The following SLC5A12 variants were observed in gnomAD, a reference collection of about 807,000 sequenced individuals.
SLC5A12 encodes the protein sodium-coupled monocarboxylate transporter 2.
In SLC5A12, 46 loss-of-function variants were observed where a neutral mutation model predicts 72.7. The observed-to-expected ratio is 0.63, with a 90% CI of 0.50 to 0.81. The LOEUF is 0.81. Among genes scored for constraint, SLC5A12 ranks in the 30% least tolerant of loss-of-function variants. The pLI, the probability that SLC5A12 is intolerant of heterozygous loss-of-function variation, is 0.00. For missense variants in SLC5A12, 683 were observed against 740.7 expected (o/e 0.92, Z 0.90); for synonymous variants, 275 against 264.4 (o/e 1.04, Z -0.39).
chr11:26,717,931 A>G (rs1304468746), intron 1 of SLC5A12, among the ~76,000 whole-genome samples: 1 of 152,134 alleles, frequency 6.6e-6, no homozygotes, highest in Admixed American at 6.5e-5. Flanking sequence ...CAGCATTCCA[A>G]GAGGACAAAG....
chr11:26,695,609 C>T (rs1854790656), intron 8 of SLC5A12, among the ~76,000 whole-genome samples: 1 of 152,090 alleles, frequency 6.6e-6, no homozygotes, highest in Admixed American at 6.5e-5. Flanking sequence ...AGCAAATAGA[C>T]AATGAACAAA....
chr11:26,710,520 CT>C (rs143085630), intron 3 of SLC5A12, among the ~76,000 whole-genome samples: 1,522 of 152,068 alleles, frequency 0.01, 34 homozygotes, highest in African/African-American at 0.034. Flanking sequence ...TGTTTCCTAC[CT>C]TTTTAATGAC....
rs1565195067 is a variant in SLC5A12 at position 26,698,393 on chromosome 11, A to G, written c.951+13T>C. On this transcript the variant is annotated intron_variant, in intron 7 of 14. Coordinates refer to ENST00000396005, the MANE Select transcript of SLC5A12 (RefSeq NM_178498.4). ...TTCCAGACACTCGCCACTGTCCTCA[A>G]GAAAACCCATACCTGGTCTGGTGCT... 2.0e-5 allele frequency: 33 copies of G among 1,612,582 alleles called. No individual in the cohort carries two copies. The highest frequency in any genetic ancestry group is 2.7e-5 in the Non-Finnish European group (32 of 1,179,450).
intron 6 of SLC5A12, among the ~76,000 whole-genome samples, chr11:26,699,042 CAG>C (rs992394973): frequency 3.9e-5 from 6 of 152,124 alleles, no homozygotes; most frequent in African/African-American, 1.4e-4. Context: ...AAAAAGACAA[CAG>C]AAAGTACAAA....
rs546725661 is a variant in SLC5A12 at position 26,717,972 on chromosome 11, C to T, written c.339+3404G>A. ...AGCTACAAGGCTCAGAAGGCCTAGG[C>T]TCCAAGCTCACAGAACATCACTTTG... On this transcript the variant is annotated intron_variant, in intron 1 of 14. Transcript: ENST00000396005. 7.2e-4 allele frequency among the ~76,000 whole-genome samples: 110 copies of T among 152,278 alleles called. 1 individual carries two copies. In the South Asian group the frequency reaches 0.022, roughly 30 times the overall value.
Position 26,669,187 on chromosome 11 carries a change from T to TTTTTC in SLC5A12, c.*1914_*1915insGAAAA, listed in dbSNP as rs1854074136. 1 of 110,940 alleles carries TTTTTC rather than the reference T, an allele frequency of 9.0e-6. No homozygotes were observed. Among genetic ancestry groups the TTTTTC allele is most frequent in the East Asian group, 3.0e-4 (1 of 3,296 alleles). 6.9% of individuals were successfully genotyped at this position (110,940 alleles called of 1,614,324 possible). ...TGTCTTTTTCTTTCTTTCTTTCTTC[T>TTTTTC]TTTCTTTCTTTCTTTCTTTCTTTCT... On this transcript the variant is annotated 3_prime_UTR_variant, in exon 15 of 15. Transcript: ENST00000396005.
rs1485234300 is a variant in SLC5A12, at chr11:26,669,205, T to TTCTTTCTTTCTTTCTTTC, written c.*1896_*1897insGAAAGAAAGAAAGAAAGA. On this transcript the variant is annotated 3_prime_UTR_variant, in exon 15 of 15. Coordinates refer to ENST00000396005, the MANE Select transcript of SLC5A12 (RefSeq NM_178498.4). ...TTTCTTCTTTTCTTTCTTTCTTTCT[T>TTCTTTCTTTCTTTCTTTC]TCTTTCTTTCTTTCTCTCTCTCCCT... 7 of 138,808 alleles carry TTCTTTCTTTCTTTCTTTC rather than the reference T, an allele frequency of 5.0e-5. No homozygotes were observed. The highest frequency in any genetic ancestry group is 2.0e-4 in the African/African-American group (7 of 35,870). 8.6% of individuals were successfully genotyped at this position (138,808 alleles called of 1,614,324 possible). A position where few individuals can be genotyped will look rare whatever the true frequency, so the allele number is the denominator to read the frequency against.
intron 7 of SLC5A12, among the ~76,000 whole-genome samples, chr11:26,697,938 C>G (rs1394466779): frequency 7.4e-6 from 1 of 135,580 alleles, no homozygotes; most frequent in African/African-American, 2.8e-5. Flanking sequence ...ACTCTTGTCG[C>G]CCAGGCTGGA....
At chr11:26,696,824 T>C (rs1429915213) in intron 8 of SLC5A12, among the ~76,000 whole-genome samples, 2 of 152,198 alleles carry the variant, frequency 1.3e-5, no homozygotes, top group Non-Finnish European at 2.9e-5. Context: ...GTAAAGGTGA[T>C]ACAAAAGTGT....
In SLC5A12 at chr11:26,669,186, C is replaced by CT. The variant is rs1314869912; in HGVS notation, c.*1915dup. The stretch of plus-strand genomic sequence containing the variant: ...CTGTCTTTTTCTTTCTTTCTTTCTT[C>CT]TTTTCTTTCTTTCTTTCTTTCTTTC... On this transcript the variant is annotated 3_prime_UTR_variant, in exon 15 of 15. Transcript: ENST00000396005. The CT allele has an allele frequency of 1.0e-4, 2 of 19,450 alleles. No homozygotes were observed. The highest frequency in any genetic ancestry group is 2.7e-4 in the African/African-American group (2 of 7,392). The allele number at this position is 19,450 out of a possible 1,614,324, so 1.2% of individuals were successfully genotyped here. A position where few individuals can be genotyped will look rare whatever the true frequency, so the allele number is the denominator to read the frequency against.
intron 1 of SLC5A12, among the ~76,000 whole-genome samples, chr11:26,720,147 C>T (rs1304583229): frequency 6.6e-6 from 1 of 151,990 alleles, no homozygotes; most frequent in Non-Finnish European, 1.5e-5. Context: ...GAAGTAAGCT[C>T]CATGACAGCA....
intron 1 of SLC5A12, among the ~76,000 whole-genome samples, chr11:26,717,585 A>G (rs1363158662): frequency 1.3e-5 from 2 of 152,212 alleles, no homozygotes; most frequent in Non-Finnish European, 2.9e-5. Flanking sequence ...CACAGATGGC[A>G]TATCTTAGTC....
At chr11:26,686,651 G>C in intron 9 of SLC5A12, 107 bp from the exon 10 acceptor site, 2 of 946,046 alleles carry the variant, frequency 2.1e-6, no homozygotes, top group Non-Finnish European at 3.3e-6. Context: ...CCTTTGCAAA[G>C]GGATCTCAGC....
At chr11:26,691,146 A>T (rs1029388242) in intron 9 of SLC5A12, among the ~76,000 whole-genome samples, 1 of 152,048 alleles carries the variant, frequency 6.6e-6, no homozygotes, top group East Asian at 1.9e-4. Flanking sequence ...AGCAAAAATA[A>T]TTTTTTACAA....
intron 4 of SLC5A12, among the ~76,000 whole-genome samples, chr11:26,705,761 T>C (rs1855068750): frequency 6.6e-6 from 1 of 152,056 alleles, no homozygotes; most frequent in African/African-American, 2.4e-5. Context: ...GGCCTCTGTT[T>C]TCAGAGGATA....
intron 4 of SLC5A12, among the ~76,000 whole-genome samples, chr11:26,708,167 G>A (rs1013910287): frequency 4.6e-5 from 7 of 151,920 alleles, no homozygotes; most frequent in Admixed American, 3.9e-4. Context: ...GTTTTTGGGG[G>A]AGAACACTTA....
intron 4 of SLC5A12, among the ~76,000 whole-genome samples, chr11:26,708,821 TA>T (rs1218945538): frequency 6.6e-6 from 1 of 152,076 alleles, no homozygotes. Context: ...GTGGTAAATG[TA>T]ATCCAGGCTT....
chr11:26,676,357 A>C (rs936181084), intron 13 of SLC5A12, among the ~76,000 whole-genome samples: 2 of 144,144 alleles, frequency 1.4e-5, no homozygotes, highest in Non-Finnish European at 3.0e-5. Context: ...GTTTCTAGAA[A>C]ACAAAAAAAA....
Position 26,667,695 on chromosome 11 carries a change from A to G in SLC5A12, c.*3407T>C, listed in dbSNP as rs1055712639. 1 of 151,996 alleles carries G rather than the reference A, an allele frequency of 6.6e-6. No homozygotes were observed. Among genetic ancestry groups the G allele is most frequent in the Non-Finnish European group, 1.5e-5 (1 of 67,918 alleles). 9.4% of individuals were successfully genotyped at this position (151,996 alleles called of 1,614,324 possible). On this transcript the variant is annotated 3_prime_UTR_variant, in exon 15 of 15. Transcript: ENST00000396005. ...TAGTAATAAACTTGTTTATAACAGTAGTTTTCTCTCTTTTCAGAATTTAGG... is the reference window on the plus strand; with the variant it reads ...TAGTAATAAACTTGTTTATAACAGTGGTTTTCTCTCTTTTCAGAATTTAGG...
Sources: allele counts gnomAD v4.1 joint callset (sites outside exome capture counted in the v4.1 genomes callset), GRCh38; gene constraint gnomAD v4.1.1; transcripts MANE v1.5; gene names NCBI Gene and HGNC (gene_info 2026-07-23, HGNC 2026-07-21).